TMEM135: variants seen among roughly 807,000 people sequenced by gnomAD.
The protein encoded by TMEM135 is peroxisomal membrane protein 52.
A neutral mutation model predicts 60.3 loss-of-function variants in TMEM135; 30 were observed. That is an observed-to-expected ratio of 0.50 (90% CI 0.37 to 0.68). TMEM135 has a LOEUF of 0.68. TMEM135 is among the 30% of genes least tolerant of loss of function. TMEM135 has a pLI of 0.00. For missense variants in TMEM135, 468 were observed against 548.8 expected, an observed-to-expected ratio of 0.85 and a Z score of 1.47; for synonymous variants, 190 against 186.7, an observed-to-expected ratio of 1.02 and a Z score of -0.14.
intron 3 of TMEM135, among the ~76,000 whole-genome samples, chr11:87,080,860 A>G (rs1340922579): frequency 6.6e-6 from 1 of 151,510 alleles, no homozygotes; most frequent in East Asian, 1.9e-4. Context: ...CTAATTTTGT[A>G]TTTTTGGTAG....
At chr11:87,197,305 A>G (rs1228868535) in intron 5 of TMEM135, among the ~76,000 whole-genome samples, 3 of 152,090 alleles carry the variant, frequency 2.0e-5, no homozygotes, top group Non-Finnish European at 2.9e-5. Flanking sequence ...ATTTAATGCA[A>G]GAAATTCTAA....
chr11:87,189,392 C>G (rs1429953479), intron 5 of TMEM135, among the ~76,000 whole-genome samples: 1 of 151,974 alleles, frequency 6.6e-6, no homozygotes, highest in Non-Finnish European at 1.5e-5. Context: ...AACTCCTGAC[C>G]CAAGGTGATC....
At position 87,200,759 on chromosome 11, in the gene TMEM135, C is replaced by G. The variant is rs1193654674; in HGVS notation, c.463-35879C>G. Among the ~76,000 whole-genome samples the G allele has an allele frequency of 3.5e-5, 3 of 85,814 alleles. No individual in the cohort carries two copies. In the East Asian group the frequency reaches 3.5e-3, roughly 99 times the overall value. 56.3% of individuals were successfully genotyped at this position (85,814 alleles called of 152,430 possible). A position where few individuals can be genotyped will look rare whatever the true frequency, so the allele number is the denominator to read the frequency against. On this transcript the variant is annotated intron_variant, in intron 5 of 14. Coordinates refer to ENST00000305494, the MANE Select transcript of TMEM135 (RefSeq NM_022918.4). ...TTTCACTGCTGCAAAAATCCCATGT[C>G]CTGTTATCCATTGAGCCTTCCCTCT...
In TMEM135 at chr11:87,325,714, TA is replaced by T. The variant is rs2134549320; in HGVS notation, c.*4382del. 2.2e-6 allele frequency: 1 copy of T among 453,708 alleles called. No individual in the cohort carries two copies. Among genetic ancestry groups the T allele is most frequent in the South Asian group, 1.6e-5 (1 of 64,446 alleles). The allele number at this position is 453,708 out of a possible 1,614,324, so 28.1% of individuals were successfully genotyped here. Reference sequence around the variant, plus strand: ...TCCAGAGACACTGATTTTTTTTTTATATGCTCTGTTTTTCTTAGGCAGGATG... The same window carrying T: ...TCCAGAGACACTGATTTTTTTTTTATTGCTCTGTTTTTCTTAGGCAGGATG... On this transcript the variant is annotated 3_prime_UTR_variant, in exon 15 of 15. Transcript: ENST00000305494.
chr11:87,214,055 A>G (rs1940442116), intron 5 of TMEM135, among the ~76,000 whole-genome samples: 1 of 152,216 alleles, frequency 6.6e-6, no homozygotes, highest in African/African-American at 2.4e-5. Context: ...GGATCTTTTT[A>G]TGGGTACTGT....
chr11:87,222,585 C>G (rs1940658453), intron 5 of TMEM135, among the ~76,000 whole-genome samples: 1 of 151,570 alleles, frequency 6.6e-6, no homozygotes, highest in Admixed American at 6.6e-5. Context: ...GGGCGGATCA[C>G]CTGAGGTCAG....
chr11:87,080,168 G>GTTT (rs35717116), intron 3 of TMEM135, among the ~76,000 whole-genome samples: 43,306 of 127,696 alleles, frequency 0.34, 7,540 homozygotes, highest in East Asian at 0.45. Context: ...TGTTTGCAGT[G>GTTT]TTTTTTTTTT....
intron 4 of TMEM135, among the ~76,000 whole-genome samples, chr11:87,134,797 G>C (rs1239556781): frequency 6.6e-6 from 1 of 152,142 alleles, no homozygotes; most frequent in Non-Finnish European, 1.5e-5. Context: ...TATAGCTTTA[G>C]TATTTTAAGA....
chr11:87,165,485 A>C (rs1939009260), intron 5 of TMEM135, among the ~76,000 whole-genome samples: 1 of 138,634 alleles, frequency 7.2e-6, no homozygotes, highest in Non-Finnish European at 1.5e-5. Context: ...CATCAAGGAT[A>C]TTGGTCTAAA....
At chr11:87,168,711 T>C (rs1939140288) in intron 5 of TMEM135, among the ~76,000 whole-genome samples, 1 of 151,966 alleles carries the variant, frequency 6.6e-6, no homozygotes, top group Non-Finnish European at 1.5e-5. Flanking sequence ...TGCTGAGGAG[T>C]GTTTTACTTC....
At chr11:87,141,460 C>G (rs1193436608) in intron 4 of TMEM135, among the ~76,000 whole-genome samples, 1 of 152,096 alleles carries the variant, frequency 6.6e-6, no homozygotes, top group Non-Finnish European at 1.5e-5. Flanking sequence ...AAACTTATGA[C>G]TAGATCACTT....
At chr11:87,202,531 G>A (rs1187536602) in intron 5 of TMEM135, among the ~76,000 whole-genome samples, 1 of 152,120 alleles carries the variant, frequency 6.6e-6, no homozygotes, top group Non-Finnish European at 1.5e-5. Flanking sequence ...TTGCCAGCTT[G>A]CCCAGGCTGG....
chr11:87,195,314 TTTCCTTCCTTCCTTCCTTCC>T (rs58025103), intron 5 of TMEM135, among the ~76,000 whole-genome samples: 2,943 of 65,652 alleles, frequency 0.045, 179 homozygotes, highest in African/African-American at 0.08. Flanking sequence ...TTTCTTTCTC[TTTCCTTCCTTCCTTCCTTCC>T]TTCCTTCCTT....
At chr11:87,183,682 G>A (rs950882943) in intron 5 of TMEM135, among the ~76,000 whole-genome samples, 2 of 151,992 alleles carry the variant, frequency 1.3e-5, no homozygotes, top group Middle Eastern at 3.2e-3. Flanking sequence ...CTGGCCAGGT[G>A]CGGTGGCTCA....
intron 4 of TMEM135, among the ~76,000 whole-genome samples, chr11:87,149,405 G>A (rs1399910105): frequency 6.6e-6 from 1 of 152,162 alleles, no homozygotes; most frequent in Non-Finnish European, 1.5e-5. Flanking sequence ...CTAATTCAGA[G>A]AGGGAGAGGG....
intron 6 of TMEM135, among the ~76,000 whole-genome samples, chr11:87,239,179 G>A (rs561504825): frequency 3.3e-5 from 5 of 152,102 alleles, no homozygotes; most frequent in African/African-American, 9.6e-5. Flanking sequence ...AAAAACAACA[G>A]TTTAAAATAC....
At chr11:87,102,265 C>T (rs143717563) in intron 4 of TMEM135, among the ~76,000 whole-genome samples, 1 of 152,276 alleles carries the variant, frequency 6.6e-6, no homozygotes, top group East Asian at 1.9e-4. Context: ...TTCCCACTAC[C>T]CCCTCTTCAA....
At chr11:87,054,338 G>A (rs1350851429) in intron 1 of TMEM135, among the ~76,000 whole-genome samples, 1 of 152,146 alleles carries the variant, frequency 6.6e-6, no homozygotes, top group African/African-American at 2.4e-5. Context: ...GGGAGGCTGA[G>A]GCAAGAGAAT....
intron 6 of TMEM135, among the ~76,000 whole-genome samples, 172 bp downstream of exon 6, chr11:87,236,856 A>G (rs2135373994): frequency 6.6e-6 from 1 of 151,932 alleles, no homozygotes; most frequent in East Asian, 1.9e-4. Context: ...TTGTGAGTTA[A>G]GAAAAGAGAA....
Sources: gnomAD v4.1 joint callset for allele counts (sites outside exome capture counted in the v4.1 genomes callset) on GRCh38, gnomAD v4.1.1 for gene constraint, MANE v1.5 for transcripts, NCBI Gene and HGNC (gene_info 2026-07-23, HGNC 2026-07-21) for gene names.